Variants in SGCZ observed in about 807,000 individuals in gnomAD.
SGCZ encodes zeta-sarcoglycan.
SGCZ carries 40 observed loss-of-function variants against 41.3 expected under a neutral mutation model. The ratio of observed to expected loss-of-function variants is 0.97; its 90% CI spans 0.75 to 1.26. The LOEUF is 1.26. Among genes scored for constraint, SGCZ ranks in the 50% most tolerant of loss-of-function variants. SGCZ has a pLI of 0.00. For missense variants in SGCZ, 552 were observed against 369.8 expected (o/e 1.49, Z -4.04); for synonymous variants, 206 against 137.5 (o/e 1.50, Z -3.49).
intron 1 of SGCZ, among the ~76,000 whole-genome samples, chr8:15,013,895 G>A (rs1802924799): frequency 6.6e-6 from 1 of 152,148 alleles, no homozygotes; most frequent in African/African-American, 2.4e-5. Flanking sequence ...CTGGGCTCGG[G>A]CAGCTAGATT....
chr8:14,414,742 A>G (rs1402451093), intron 2 of SGCZ, among the ~76,000 whole-genome samples: 1 of 151,992 alleles, frequency 6.6e-6, no homozygotes, highest in African/African-American at 2.4e-5. Context: ...CTTTTTGGAA[A>G]TGGGAAAAAT....
At chr8:14,537,854 C>T (rs936788742) in intron 2 of SGCZ, among the ~76,000 whole-genome samples, 4 of 151,850 alleles carry the variant, frequency 2.6e-5, no homozygotes, top group Non-Finnish European at 5.9e-5. Flanking sequence ...ATTCCATATC[C>T]TTATCAGGAG....
chr8:14,783,702 G>A (rs922111963), intron 1 of SGCZ, among the ~76,000 whole-genome samples: 1 of 152,054 alleles, frequency 6.6e-6, no homozygotes, highest in Non-Finnish European at 1.5e-5. Flanking sequence ...CAGTTTAAGG[G>A]TTTTTGCTGT....
rs866603666 is a variant in SGCZ, at chr8:14,231,407, G to C, written c.424+6185C>G. 3.2e-4 allele frequency among the ~76,000 whole-genome samples: 48 copies of C among 152,062 alleles called. 2 individuals carry two copies. The Middle Eastern group carries it at 0.024, about 75-fold the overall frequency. On this transcript the variant is annotated intron_variant, in intron 4 of 7. Coordinates refer to ENST00000382080, the MANE Select transcript of SGCZ (RefSeq NM_139167.4). ...AATATCAATTTCATCATGAGGTCAT[G>C]TTATTTCAGAAACAAACAGGTCCAG...
At chr8:14,949,738 T>C (rs1398037880) in intron 1 of SGCZ, among the ~76,000 whole-genome samples, 3 of 152,116 alleles carry the variant, frequency 2.0e-5, no homozygotes, top group Non-Finnish European at 4.4e-5. Context: ...CAATATGTGC[T>C]ACTCTACATT....
intron 4 of SGCZ, among the ~76,000 whole-genome samples, chr8:14,166,890 G>A (rs146503611): frequency 3.3e-5 from 5 of 152,132 alleles, no homozygotes; most frequent in South Asian, 2.1e-4. Context: ...AAATATTTAC[G>A]CACATAGATG....
At chr8:14,251,713 T>C (rs1012714551) in intron 3 of SGCZ, among the ~76,000 whole-genome samples, 1 of 152,210 alleles carries the variant, frequency 6.6e-6, no homozygotes, top group Non-Finnish European at 1.5e-5. Context: ...GCATGCATTT[T>C]ATATAAGAAT....
At chr8:14,317,482 G>A (rs1801756767) in intron 3 of SGCZ, among the ~76,000 whole-genome samples, 1 of 151,994 alleles carries the variant, frequency 6.6e-6, no homozygotes, top group African/African-American at 2.4e-5. Context: ...CAAGAAAATT[G>A]CCAGATTATA....
chr8:14,718,814 GT>G (rs1304240728), intron 1 of SGCZ, among the ~76,000 whole-genome samples: 1 of 149,518 alleles, frequency 6.7e-6, no homozygotes, highest in Non-Finnish European at 1.5e-5. Flanking sequence ...TCCACTCTTT[GT>G]CTTTTTTCTT....
In SGCZ at chr8:14,108,153, A is replaced by G. The variant is rs933254383; in HGVS notation, c.620+10T>C. ...GATTTTATGCCACAGGTATAAGAGG[A>G]AGCCCTTACCTGAGATCTTGGGATG... is the stretch of plus-strand genomic sequence containing the variant. On this transcript the variant is annotated intron_variant, in intron 6 of 7. Transcript: ENST00000382080. 19 of 1,613,590 alleles carry G rather than the reference A, an allele frequency of 1.2e-5. No homozygotes were observed. Among genetic ancestry groups the G allele is most frequent in the Non-Finnish European group, 1.6e-5 (19 of 1,179,662 alleles).
At chr8:14,108,126 T>C (rs1286081544) in intron 6 of SGCZ, 37 bp downstream of exon 6, 4 of 1,587,258 alleles carry the variant, frequency 2.5e-6, no homozygotes, top group South Asian at 2.2e-5. Context: ...TCAACAATGA[T>C]GGATTTTATG....
intron 1 of SGCZ, among the ~76,000 whole-genome samples, chr8:14,742,454 G>A (rs1799222849): frequency 6.6e-6 from 1 of 151,976 alleles, no homozygotes; most frequent in Non-Finnish European, 1.5e-5. Flanking sequence ...GAAAATTTAA[G>A]CACCTATGCC....
At chr8:15,192,948 A>G (rs1031060975) in intron 1 of SGCZ, among the ~76,000 whole-genome samples, 2 of 152,098 alleles carry the variant, frequency 1.3e-5, no homozygotes, top group African/African-American at 2.4e-5. Flanking sequence ...CATACCAAAT[A>G]TCATTTTAAA....
chr8:14,545,981 T>C lies in SGCZ; in HGVS notation c.234+8751A>G, dbSNP rs528384205. Among the ~76,000 whole-genome samples the C allele has an allele frequency of 2.0e-5, 3 of 152,292 alleles. No homozygotes were observed. In the South Asian group the frequency reaches 6.2e-4, roughly 32 times the overall value. On this transcript the variant is annotated intron_variant, in intron 2 of 7. Coordinates refer to ENST00000382080, the MANE Select transcript of SGCZ (RefSeq NM_139167.4). Reference sequence around the variant, plus strand: ...TTGTTTGCACTTGGATAAAAATGACTGAATTTTTCTTTATAAAGTCAAGGA... The same window carrying C: ...TTGTTTGCACTTGGATAAAAATGACCGAATTTTTCTTTATAAAGTCAAGGA...
intron 1 of SGCZ, among the ~76,000 whole-genome samples, chr8:15,003,658 T>G (rs1187935000): frequency 1.3e-5 from 2 of 152,186 alleles, no homozygotes; most frequent in East Asian, 1.9e-4. Context: ...TATATGACTC[T>G]TCAGCTTTTG....
chr8:14,558,772 C>A (rs1189527918), intron 1 of SGCZ, among the ~76,000 whole-genome samples: 2 of 151,930 alleles, frequency 1.3e-5, no homozygotes, highest in Non-Finnish European at 2.9e-5. Context: ...AATAGTATAT[C>A]AAAAAGATAA....
chr8:15,002,618 C>T (rs1178951775), intron 1 of SGCZ, among the ~76,000 whole-genome samples: 1 of 152,130 alleles, frequency 6.6e-6, no homozygotes, highest in Non-Finnish European at 1.5e-5. Context: ...GGAAAAACCT[C>T]ATAAGGGTGT....
rs538683309 is a variant in SGCZ at position 14,593,444 on chromosome 8, CTGTTT to C, written c.40-38523_40-38519del. On this transcript the variant is annotated intron_variant, in intron 1 of 7. Coordinates refer to ENST00000382080, the MANE Select transcript of SGCZ (RefSeq NM_139167.4). ...TCTCCAGAACGGTAACAGAATAGAT[CTGTTT>C]TAAGTCACTAAGTTTGTAGTAATTT... 2.6e-3 allele frequency among the ~76,000 whole-genome samples: 390 copies of C among 152,254 alleles called. 2 individuals are homozygous for C. Among genetic ancestry groups the C allele is most frequent in the African/African-American group, 8.7e-3 (362 of 41,558 alleles).
At chr8:14,759,894 C>G (rs1799807060) in intron 1 of SGCZ, among the ~76,000 whole-genome samples, 1 of 152,160 alleles carries the variant, frequency 6.6e-6, no homozygotes, top group Non-Finnish European at 1.5e-5. Flanking sequence ...CCAGGATCAA[C>G]AGAACACTGC....
Sources: allele counts gnomAD v4.1 joint callset (sites outside exome capture counted in the v4.1 genomes callset), GRCh38; gene constraint gnomAD v4.1.1; transcripts MANE v1.5; gene names NCBI Gene and HGNC (gene_info 2026-07-23, HGNC 2026-07-21).